The following IL1RN variants were observed in gnomAD, a reference collection of about 807,000 sequenced individuals.
IL1RN encodes interleukin 1 receptor antagonist.
IL1RN carries 10 observed loss-of-function variants against 13.7 expected under a neutral mutation model. The ratio of observed to expected loss-of-function variants is 0.73; its 90% CI spans 0.45 to 1.24. IL1RN has a LOEUF of 1.24. Ranked by LOEUF, IL1RN falls within the 50% of genes most tolerant of loss-of-function variation. The pLI is 0.00. For synonymous variants in IL1RN, 102 were observed against 82.7 expected, an observed-to-expected ratio of 1.23 and a Z score of -1.27; for missense variants, 213 against 222.1, an observed-to-expected ratio of 0.96 and a Z score of 0.26.
chr2:113,120,007 C>A, intron 1 of IL1RN: 1 of 1,340,806 alleles, frequency 7.5e-7, no homozygotes, highest in Non-Finnish European at 1.1e-6. Context: ...ACAAGTCATT[C>A]ATTTCTCTGG....
the IL1RN span, among the ~76,000 whole-genome samples, chr2:113,099,463 C>G: frequency 1.3e-5 from 2 of 152,234 alleles, no homozygotes; most frequent in Non-Finnish European, 2.9e-5. Flanking sequence ...GGGCTGAGAA[C>G]TTGCTCCAGG....
chr2:113,112,905 G>C (rs1053292309), upstream of IL1RN: 10 of 152,198 alleles, frequency 6.6e-5, no homozygotes, highest in Non-Finnish European at 1.0e-4. Context: ...CACACAGGAA[G>C]GACTCTTTTG....
Position 113,132,991 on chromosome 2 carries a change from C to T in IL1RN, c.*120C>T. 1 of 933,158 alleles carries T rather than the reference C, an allele frequency of 1.1e-6. No individual in the cohort carries two copies. The highest frequency in any genetic ancestry group is 1.9e-5 in the Admixed American group (1 of 52,462). The allele number at this position is 933,158 out of a possible 1,614,324, so 57.8% of individuals were successfully genotyped here. ...GAGGACCAGCCATTGAGGGGTGGAC[C>T]CTCAGAAGGCGTCACAACAACCTGG... On this transcript the variant is annotated 3_prime_UTR_variant, in exon 4 of 4. Coordinates refer to ENST00000409930, the MANE Select transcript of IL1RN (RefSeq NM_173842.3).
At chr2:113,102,932 G>T (rs1200789524), upstream of IL1RN, among the ~76,000 whole-genome samples, 2 of 152,236 alleles carry the variant, frequency 1.3e-5, no homozygotes, top group African/African-American at 4.8e-5. Flanking sequence ...GGCATACATT[G>T]GCTTAGCTTG....
upstream of IL1RN, among the ~76,000 whole-genome samples, chr2:113,102,796 A>G (rs150463988): frequency 0.011 from 1,657 of 152,262 alleles, 11 homozygotes; most frequent in Non-Finnish European, 0.015. Flanking sequence ...TCGCTCAGTT[A>G]AGGTGGGGCA....
upstream of IL1RN, among the ~76,000 whole-genome samples, chr2:113,124,848 A>AAGGAC (rs960884175): frequency 6.6e-6 from 1 of 152,062 alleles, no homozygotes; most frequent in African/African-American, 2.4e-5. Flanking sequence ...CATGTCGACA[A>AAGGAC]AGGACAGACT....
rs1687012785 is a variant in IL1RN at position 113,127,708 on chromosome 2, T to C, written c.84T>C (p.Ser28=). The C allele has an allele frequency of 6.2e-7, 1 of 1,614,016 alleles. No individual in the cohort carries two copies. Among genetic ancestry groups the C allele is most frequent in the East Asian group, 2.2e-5 (1 of 44,862 alleles). ...ATTCAGAGACGATCTGCCGACCCTC[T>C]GGGAGAAAATCCAGCAAGATGCAAG... ...LFHSETICRP[S]GRKSSKMQAF... Residue 28 remains serine (S), a synonymous_variant, in exon 1 of 4, where the codon TCT becomes TCC. Transcript: ENST00000409930.
At chr2:113,100,035 CT>C in the IL1RN span, among the ~76,000 whole-genome samples, 1 of 140,098 alleles carries the variant, frequency 7.1e-6, no homozygotes, top group Non-Finnish European at 1.6e-5. Context: ...CGACTGGCCC[CT>C]CTTCCTTCTT....
Position 113,132,708 on chromosome 2 carries a change from C to T in IL1RN, c.371C>T (p.Ala124Val), listed in dbSNP as rs1380437028. The change falls in exon 4 of 4, where the codon GCC becomes GTC. Residue 124 changes from alanine (A) to valine (V), a missense_variant. Coordinates refer to ENST00000409930, the MANE Select transcript of IL1RN (RefSeq NM_173842.3). ...AACAGAAAGCAGGACAAGCGCTTCG[C>T]CTTCATCCGCTCAGACAGTGGCCCC... is the stretch of plus-strand genomic sequence containing the variant. ...SENRKQDKRFAFIRSDSGPTT... is the reference protein window; with the variant it reads ...SENRKQDKRFVFIRSDSGPTT... 1.2e-6 allele frequency: 2 copies of T among 1,614,140 alleles called. No individual in the cohort carries two copies. The highest frequency in any genetic ancestry group is 1.7e-5 in the Admixed American group (1 of 60,012).
upstream of IL1RN, among the ~76,000 whole-genome samples, chr2:113,116,843 C>T (rs976320293): frequency 6.6e-6 from 1 of 152,188 alleles, no homozygotes; most frequent in African/African-American, 2.4e-5. Flanking sequence ...TACTGCGTGT[C>T]ATTCATGCTT....
At position 113,132,988 on chromosome 2, in the gene IL1RN, G is replaced by C; in HGVS notation, c.*117G>C. On this transcript the variant is annotated 3_prime_UTR_variant, in exon 4 of 4. Coordinates refer to ENST00000409930, the MANE Select transcript of IL1RN (RefSeq NM_173842.3). ...ACTGAGGACCAGCCATTGAGGGGTG[G>C]ACCCTCAGAAGGCGTCACAACAACC... is the stretch of plus-strand genomic sequence containing the variant. The C allele has an allele frequency of 1.0e-6, 1 of 990,410 alleles. No homozygotes were observed. Among genetic ancestry groups the C allele is most frequent in the Non-Finnish European group, 1.6e-6 (1 of 626,350 alleles). The allele number at this position is 990,410 out of a possible 1,614,324, so 61.4% of individuals were successfully genotyped here. A position where few individuals can be genotyped will look rare whatever the true frequency, so the allele number is the denominator to read the frequency against.
chr2:113,117,729 A>G (rs530907401), upstream of IL1RN: 6 of 571,076 alleles, frequency 1.1e-5, no homozygotes. Flanking sequence ...GATAAGAACC[A>G]GTTTGGTTTC....
At chr2:113,132,263 A>G (rs920079333) in intron 3 of IL1RN, among the ~76,000 whole-genome samples, 3 of 152,194 alleles carry the variant, frequency 2.0e-5, no homozygotes, top group Non-Finnish European at 2.9e-5. Context: ...CCTGGCCAAC[A>G]TGGTGAAACC....
chr2:113,107,280 A>G (rs1426100461), upstream of IL1RN: 1 of 152,260 alleles, frequency 6.6e-6, no homozygotes, highest in Non-Finnish European at 1.5e-5. Flanking sequence ...ATTGTAATGA[A>G]TCTGTAAATC....
intron 2 of IL1RN, among the ~76,000 whole-genome samples, chr2:113,122,004 G>A (rs746641343): frequency 3.9e-5 from 6 of 152,196 alleles, no homozygotes; most frequent in Admixed American, 3.9e-4. Flanking sequence ...AGTCTTTGTA[G>A]CATTATCTTA....
chr2:113,120,458 A>G (rs1450058586), intron 2 of IL1RN, among the ~76,000 whole-genome samples: 1 of 152,150 alleles, frequency 6.6e-6, no homozygotes, highest in Non-Finnish European at 1.5e-5. Flanking sequence ...ATAATCATTA[A>G]CTGTGCCTGG....
At chr2:113,107,923 G>T (rs368393343), upstream of IL1RN, among the ~76,000 whole-genome samples, 1 of 152,086 alleles carries the variant, frequency 6.6e-6, no homozygotes, top group African/African-American at 2.4e-5. Flanking sequence ...AATATCTAAG[G>T]ATGTTTCAAA....
chr2:113,123,642 G>T (rs1558865476), upstream of IL1RN, among the ~76,000 whole-genome samples: 1 of 152,148 alleles, frequency 6.6e-6, no homozygotes, highest in African/African-American at 2.4e-5. Flanking sequence ...CCTCTACTGT[G>T]CTTAATATAT....
Position 113,131,103 on chromosome 2 carries a change from G to C in IL1RN, c.264G>C (p.Gly88=). The change falls in exon 3 of 4, where the codon GGG becomes GGC. Residue 88 remains glycine (G), a synonymous_variant. Coordinates refer to ENST00000409930, the MANE Select transcript of IL1RN (RefSeq NM_173842.3). The stretch of plus-strand genomic sequence containing the variant: ...CTCTGTTCTTGGGAATCCATGGAGG[G>C]AAGATGTGCCTGTCCTGTGTCAAGT... ...PHALFLGIHG[G]KMCLSCVKSG... 6 of 1,613,956 alleles carry C rather than the reference G, an allele frequency of 3.7e-6. No individual in the cohort carries two copies. Among genetic ancestry groups the C allele is most frequent in the Non-Finnish European group, 5.1e-6 (6 of 1,179,804 alleles).
Sources: allele counts gnomAD v4.1 joint callset (sites outside exome capture counted in the v4.1 genomes callset), GRCh38; gene constraint gnomAD v4.1.1; transcripts MANE v1.5; gene names NCBI Gene and HGNC (gene_info 2026-07-23, HGNC 2026-07-21).